Variants in CD300E observed in about 807,000 individuals in gnomAD.
CD300E encodes the protein CMRF35-like molecule 2.
In CD300E, 14 loss-of-function variants were observed where a neutral mutation model predicts 20.9. The observed-to-expected ratio is 0.67, with a 90% CI of 0.44 to 1.05. CD300E has a LOEUF of 1.05. Among genes scored for constraint, CD300E ranks in the 50% least tolerant of loss-of-function variants. The pLI, the probability that CD300E is intolerant of heterozygous loss-of-function variation, is 0.00. For synonymous variants in CD300E, 102 were observed against 103.7 expected (o/e 0.98, Z 0.10); for missense variants, 237 against 253.9 (o/e 0.93, Z 0.45).
chr17:74,619,745 C>T (rs532999988), intron 1 of CD300E, among the ~76,000 whole-genome samples: 1 of 152,304 alleles, frequency 6.6e-6, no homozygotes, highest in South Asian at 2.1e-4. Context: ...TGTTTCCTTC[C>T]CCAGGTCTCT....
chr17:74,614,851 T>C (rs187018637), intron 2 of CD300E, among the ~76,000 whole-genome samples: 1 of 152,276 alleles, frequency 6.6e-6, no homozygotes, highest in Non-Finnish European at 1.5e-5. Flanking sequence ...TCCTAAGGAC[T>C]TCAGGTGACC....
At chr17:74,616,000 C>G (rs567212802) in intron 2 of CD300E, among the ~76,000 whole-genome samples, 1 of 152,172 alleles carries the variant, frequency 6.6e-6, no homozygotes, top group Non-Finnish European at 1.5e-5. Flanking sequence ...GTGGGAGGAT[C>G]ACGAGCCCAG....
Position 74,617,391 on chromosome 17 carries a change from C to T in CD300E, c.115G>A (p.Glu39Lys). 6.2e-7 allele frequency: 1 copy of T among 1,614,164 alleles called. No homozygotes were observed. The highest frequency in any genetic ancestry group is 1.7e-4 in the Middle Eastern group (1 of 6,060). The part of the protein sequence containing the change: ...GDSLTVWCQY[E>K]SMYKGYNKYW... ...TTGTTATATCCCTTGTACATGCTCT[C>T]ATACTGACACCACACTGTCAGAGAG... The change falls in exon 2 of 4, where the codon GAG becomes AAG. Residue 39 changes from glutamate to lysine, a missense_variant. Transcript: ENST00000392619.
At position 74,610,042 on chromosome 17, in the gene CD300E, C is replaced by G. The variant is rs570238035; in HGVS notation, c.*2611G>C. On this transcript the variant is annotated 3_prime_UTR_variant, in exon 4 of 4. Transcript: ENST00000392619. ...ACCTGCTGTCTGCCATCTGTCTACT[C>G]TTTCTTAACTCTTCTCTTCTGGCTT... 2 of 152,446 alleles carry G rather than the reference C, an allele frequency of 1.3e-5. No homozygotes were observed. Among genetic ancestry groups the G allele is most frequent in the Admixed American group, 1.3e-4 (2 of 15,308 alleles). 9.4% of individuals were successfully genotyped at this position (152,446 alleles called of 1,614,324 possible). A position where few individuals can be genotyped will look rare whatever the true frequency, so the allele number is the denominator to read the frequency against.
chr17:74,618,409 T>G (rs115936751), intron 1 of CD300E, among the ~76,000 whole-genome samples: 1,607 of 152,242 alleles, frequency 0.011, 26 homozygotes, highest in African/African-American at 0.037. Flanking sequence ...TTGCACCCCC[T>G]CAGAGTAACC....
In CD300E at chr17:74,614,596, C is replaced by T. The variant is rs189886284; in HGVS notation, c.389-563G>A. Among the ~76,000 whole-genome samples the T allele has an allele frequency of 1.2e-4, 18 of 152,042 alleles. 2 individuals are homozygous for T. Among genetic ancestry groups the T allele is most frequent in the Admixed American group, 1.1e-3 (17 of 15,274 alleles). On this transcript the variant is annotated intron_variant, in intron 2 of 3. Transcript: ENST00000392619. ...CTCCCGGGTTCAAGCGATTCTCCTG[C>T]CTCAGCCACCCAAGTAGCTGGGATT... is the stretch of plus-strand genomic sequence containing the variant.
intron 1 of CD300E, among the ~76,000 whole-genome samples, chr17:74,623,051 T>G (rs1428353573): frequency 6.6e-6 from 1 of 152,244 alleles, no homozygotes; most frequent in Non-Finnish European, 1.5e-5. Flanking sequence ...TAATTATTTC[T>G]CACAAACCAT....
In CD300E at chr17:74,612,239, C is replaced by G. The variant is rs557473102; in HGVS notation, c.*414G>C. The G allele has an allele frequency of 1.4e-3, 187 of 136,472 alleles. No individual in the cohort carries two copies. The highest frequency in any genetic ancestry group is 2.3e-3 in the Non-Finnish European group (150 of 64,624). The allele number at this position is 136,472 out of a possible 1,614,324, so 8.5% of individuals were successfully genotyped here. On this transcript the variant is annotated 3_prime_UTR_variant, in exon 4 of 4. Coordinates refer to ENST00000392619, the MANE Select transcript of CD300E (RefSeq NM_181449.3). Reference sequence around the variant, plus strand: ...TCTCTCTCTCGCTCTCTCTCTCTCTCTCTCTCTGTCTCTCTCTCTCTCTCT... The same window carrying G: ...TCTCTCTCTCGCTCTCTCTCTCTCTGTCTCTCTGTCTCTCTCTCTCTCTCT...
At chr17:74,620,646 A>C (rs2031000963) in intron 1 of CD300E, among the ~76,000 whole-genome samples, 1 of 151,938 alleles carries the variant, frequency 6.6e-6, no homozygotes, top group Non-Finnish European at 1.5e-5. Context: ...CGGCCAAAAA[A>C]AAAAAAGGAA....
At position 74,623,688 on chromosome 17, in the gene CD300E, C is replaced by A. The variant is rs572219391; in HGVS notation, c.-67G>T. On this transcript the variant is annotated 5_prime_UTR_variant, in exon 1 of 4. Transcript: ENST00000392619. ...CCAGCTGGAATCCAAGTATATGTAA[C>A]GGAGCCTGGGTCATCCACTTTCTAC... The A allele has an allele frequency of 6.5e-7, 1 of 1,544,390 alleles. No homozygotes were observed. The highest frequency in any genetic ancestry group is 9.0e-7 in the Non-Finnish European group (1 of 1,116,364).
chr17:74,613,617 C>T (rs1254924450), intron 3 of CD300E, among the ~76,000 whole-genome samples: 7 of 152,172 alleles, frequency 4.6e-5, no homozygotes, highest in African/African-American at 1.7e-4. Context: ...AGAACTGGGA[C>T]CCCAAGTCCG....
chr17:74,622,002 C>T (rs976506606), intron 1 of CD300E, among the ~76,000 whole-genome samples: 3 of 151,928 alleles, frequency 2.0e-5, no homozygotes, highest in African/African-American at 7.2e-5. Context: ...TGGGGTCTTG[C>T]TATGTTGCCC....
At chr17:74,615,511 G>C (rs1323294592) in intron 2 of CD300E, among the ~76,000 whole-genome samples, 1 of 152,178 alleles carries the variant, frequency 6.6e-6, no homozygotes. Flanking sequence ...AGATGTATGG[G>C]AGAGTAATGT....
intron 2 of CD300E, among the ~76,000 whole-genome samples, chr17:74,614,578 G>T (rs1260917850): frequency 1.8e-4 from 28 of 151,472 alleles, no homozygotes; most frequent in Admixed American, 1.8e-3. Flanking sequence ...CACCTCCCGG[G>T]TTCAAGCGAT....
intron 2 of CD300E, among the ~76,000 whole-genome samples, chr17:74,616,015 C>G (rs769697914): frequency 6.6e-6 from 1 of 152,058 alleles, no homozygotes; most frequent in African/African-American, 2.4e-5. Flanking sequence ...GCCCAGGAGG[C>G]GGAGGTTGCA....
At position 74,610,894 on chromosome 17, in the gene CD300E, C is replaced by A. The variant is rs1040818849; in HGVS notation, c.*1759G>T. 4 of 152,476 alleles carry A rather than the reference C, an allele frequency of 2.6e-5. 1 individual carries two copies. The highest frequency in any genetic ancestry group is 6.3e-3 in the Middle Eastern group (2 of 316). The allele number at this position is 152,476 out of a possible 1,614,324, so 9.4% of individuals were successfully genotyped here. On this transcript the variant is annotated 3_prime_UTR_variant, in exon 4 of 4. Coordinates refer to ENST00000392619, the MANE Select transcript of CD300E (RefSeq NM_181449.3). ...TCCCGCCTCTCTGCTTTCACTTATG[C>A]TGTTTCTCTGTCCTCTCTCTCTCCC...
chr17:74,613,788 G>A, intron 3 of CD300E, 137 bp downstream of exon 3: 1 of 614,602 alleles, frequency 1.6e-6, no homozygotes, highest in Non-Finnish European at 3.0e-6. Flanking sequence ...TGCAGCCTCA[G>A]AGAGTATGAG....
At position 74,611,795 on chromosome 17, in the gene CD300E, C is replaced by T. The variant is rs1172842641; in HGVS notation, c.*858G>A. ...TCCTTCTCCCTTTACTGTTTCAACT[C>T]GCCCCAGAACTTTAACCTGGAGCAG... On this transcript the variant is annotated 3_prime_UTR_variant, in exon 4 of 4. Transcript: ENST00000392619. 1.3e-5 allele frequency: 2 copies of T among 152,370 alleles called. No homozygotes were observed. The highest frequency in any genetic ancestry group is 4.8e-5 in the African/African-American group (2 of 41,460). The allele number at this position is 152,370 out of a possible 1,614,324, so 9.4% of individuals were successfully genotyped here.
rs755923307 is a variant in CD300E, at chr17:74,612,243, CTCTG to C, written c.*406_*409del. 35,002 of 146,766 alleles carry C rather than the reference CTCTG, an allele frequency of 0.24. 4,065 individuals carry two copies. Among genetic ancestry groups the C allele is most frequent in the African/African-American group, 0.31 (12,304 of 39,098 alleles). 9.1% of individuals were successfully genotyped at this position (146,766 alleles called of 1,614,324 possible). ...TCTCTCGCTCTCTCTCTCTCTCTCT[CTCTG>C]TCTCTCTCTCTCTCTCTCTCTCTCT... On this transcript the variant is annotated 3_prime_UTR_variant, in exon 4 of 4. Transcript: ENST00000392619.
Sources: gnomAD v4.1 joint callset for allele counts (sites outside exome capture counted in the v4.1 genomes callset) on GRCh38, gnomAD v4.1.1 for gene constraint, MANE v1.5 for transcripts, NCBI Gene and HGNC (gene_info 2026-07-23, HGNC 2026-07-21) for gene names.